PHKB: variants seen among roughly 807,000 people sequenced by gnomAD.
PHKB encodes phosphorylase kinase regulatory subunit beta, also known as phosphorylase b kinase regulatory subunit beta.
A neutral mutation model predicts 152.1 loss-of-function variants in PHKB; 122 were observed. That is an observed-to-expected ratio of 0.80 (90% CI 0.69 to 0.93). The LOEUF (loss-of-function observed/expected upper bound fraction) is 0.93, where lower values mean the gene tolerates loss of function less well. Ranked by LOEUF, PHKB falls within the 40% of genes least tolerant of loss-of-function variation. The pLI, the probability that PHKB is intolerant of heterozygous loss-of-function variation, is 0.00. For synonymous variants in PHKB, 436 were observed against 464.9 expected (o/e 0.94, Z 0.80); for missense variants, 1,304 against 1,328.4 (o/e 0.98, Z 0.29).
chr16:47,499,745 C>G lies in PHKB; in HGVS notation c.167-11C>G. The G allele has an allele frequency of 6.2e-7, 1 of 1,614,000 alleles. No individual in the cohort carries two copies. Among genetic ancestry groups the G allele is most frequent in the Non-Finnish European group, 8.5e-7 (1 of 1,179,866 alleles). Reference sequence around the variant, plus strand: ...TGTACAGTTCATTCTTTGTCTTGTCCTCAATTGCAGTCAAGTCAACATTGC... The same window carrying G: ...TGTACAGTTCATTCTTTGTCTTGTCGTCAATTGCAGTCAAGTCAACATTGC... On this transcript the variant is annotated splice_polypyrimidine_tract_variant and intron_variant, in intron 2 of 30. Transcript: ENST00000323584.
chr16:47,489,397 AATC>A (rs1337623367), intron 1 of PHKB, among the ~76,000 whole-genome samples: 16 of 152,360 alleles, frequency 1.1e-4, no homozygotes, highest in African/African-American at 3.8e-4. Context: ...AAACGAAACA[AATC>A]ATGATAGGAC....
intron 20 of PHKB, among the ~76,000 whole-genome samples, chr16:47,658,539 T>C (rs1973379425): frequency 6.6e-6 from 1 of 152,194 alleles, no homozygotes; most frequent in African/African-American, 2.4e-5. Context: ...GGACCACGTA[T>C]ACAATGGAGG....
chr16:47,487,519 G>T (rs1251588968), intron 1 of PHKB, among the ~76,000 whole-genome samples: 2 of 151,870 alleles, frequency 1.3e-5, no homozygotes, highest in African/African-American at 4.8e-5. Context: ...CAGGGGTTTG[G>T]TGTACAGATT....
intron 6 of PHKB, among the ~76,000 whole-genome samples, chr16:47,528,830 G>C (rs962969216): frequency 6.6e-6 from 1 of 151,502 alleles, no homozygotes; most frequent in Non-Finnish European, 1.5e-5. Flanking sequence ...CCAAGTAACT[G>C]GGATTACAGG....
At chr16:47,660,299 A>G (rs1330123439) in intron 20 of PHKB, among the ~76,000 whole-genome samples, 2 of 152,116 alleles carry the variant, frequency 1.3e-5, no homozygotes, top group Admixed American at 1.3e-4. Context: ...ACTTGTAACG[A>G]TGTGTATATT....
rs550764332 is a variant in PHKB at position 47,571,705 on chromosome 16, C to T, written c.711-8590C>T. Among the ~76,000 whole-genome samples, 13 of 152,288 alleles carry T rather than the reference C, an allele frequency of 8.5e-5. No homozygotes were observed. In the South Asian group the frequency reaches 1.2e-3, roughly 15 times the overall value. ...GTGGGAGAAGGCCCAGCTGTATCTG[C>T]GTTGTTGAACAAGAGGGAGAGAAGC... On this transcript the variant is annotated intron_variant, in intron 7 of 30. Transcript: ENST00000323584.
intron 1 of PHKB, 56 bp downstream of exon 1, chr16:47,461,482 T>C (rs1191673744): frequency 6.3e-7 from 1 of 1,576,542 alleles, no homozygotes; most frequent in East Asian, 2.2e-5. Flanking sequence ...GTGCTTCGCC[T>C]CAAGCGCCTT....
At chr16:47,544,687 G>C (rs961904055) in intron 6 of PHKB, among the ~76,000 whole-genome samples, 1 of 152,142 alleles carries the variant, frequency 6.6e-6, no homozygotes, top group Non-Finnish European at 1.5e-5. Flanking sequence ...TGACCGTGGG[G>C]TGTTAAAGTC....
At chr16:47,578,224 T>G (rs1345371747) in intron 7 of PHKB, among the ~76,000 whole-genome samples, 1 of 152,222 alleles carries the variant, frequency 6.6e-6, no homozygotes, top group Non-Finnish European at 1.5e-5. Context: ...TTCAAGCATG[T>G]TCGTAATTGC....
At chr16:47,506,039 A>G (rs544215063) in intron 4 of PHKB, among the ~76,000 whole-genome samples, 9 of 150,922 alleles carry the variant, frequency 6.0e-5, no homozygotes, top group East Asian at 1.9e-4. Flanking sequence ...AAAAAAAAAA[A>G]AAAAAAGAAA....
At chr16:47,474,835 C>T (rs1969840978) in intron 1 of PHKB, among the ~76,000 whole-genome samples, 1 of 152,144 alleles carries the variant, frequency 6.6e-6, no homozygotes, top group African/African-American at 2.4e-5. Flanking sequence ...AGCGATTCTC[C>T]TGCCTCAGCC....
rs1973191526 is a variant in PHKB, at chr16:47,649,268, T to TTCC, written c.1797+64_1797+65insTCC. The TTCC allele has an allele frequency of 3.3e-6, 3 of 913,398 alleles. No individual in the cohort carries two copies. The East Asian group carries it at 7.2e-5, about 22-fold the overall frequency. 56.6% of individuals were successfully genotyped at this position (913,398 alleles called of 1,614,324 possible). ...TGTTTCCACTGATTTTATCATATGT[T>TTCC]ACTATATTGAGTACTCCCAGGTATC... On this transcript the variant is annotated intron_variant, in intron 18 of 30. Transcript: ENST00000323584.
intron 7 of PHKB, 75 bp from the exon 8 acceptor site, chr16:47,580,220 A>G: frequency 2.7e-6 from 3 of 1,097,136 alleles, no homozygotes; most frequent in Middle Eastern, 2.0e-4. Flanking sequence ...TTGCTCGTGA[A>G]TATTCATCAG....
At chr16:47,633,148 C>A (rs1972855806) in intron 14 of PHKB, among the ~76,000 whole-genome samples, 1 of 152,026 alleles carries the variant, frequency 6.6e-6, no homozygotes, top group Admixed American at 6.5e-5. Context: ...TGGTCCTAAA[C>A]CATATTGTTA....
At chr16:47,535,887 T>C (rs1970943746) in intron 6 of PHKB, among the ~76,000 whole-genome samples, 2 of 152,302 alleles carry the variant, frequency 1.3e-5, no homozygotes, top group Middle Eastern at 3.4e-3. Context: ...CTCTACATAC[T>C]TTTTGCAGAA....
intron 7 of PHKB, among the ~76,000 whole-genome samples, chr16:47,574,588 A>G (rs1480895747): frequency 1.3e-5 from 2 of 152,228 alleles, no homozygotes; most frequent in Non-Finnish European, 2.9e-5. Context: ...ACAGTTTTGC[A>G]GGCTGTATAT....
rs910286871 is a variant in PHKB at position 47,700,100 on chromosome 16, G to C, written c.*734G>C. On this transcript the variant is annotated 3_prime_UTR_variant, in exon 31 of 31. Coordinates refer to ENST00000323584, the MANE Select transcript of PHKB (RefSeq NM_000293.3). ...ACAGTAGCTCACACCTGAAATCTTA[G>C]CACTTCGGGAGGCTGAGGCAGGTGG... The C allele has an allele frequency of 6.6e-6, 1 of 152,256 alleles. No homozygotes were observed. Among genetic ancestry groups the C allele is most frequent in the East Asian group, 1.9e-4 (1 of 5,200 alleles). The allele number at this position is 152,256 out of a possible 1,614,324, so 9.4% of individuals were successfully genotyped here. A position where few individuals can be genotyped will look rare whatever the true frequency, so the allele number is the denominator to read the frequency against.
intron 4 of PHKB, among the ~76,000 whole-genome samples, chr16:47,505,935 A>T (rs555238660): frequency 6.6e-6 from 1 of 150,702 alleles, no homozygotes; most frequent in Non-Finnish European, 1.5e-5. Flanking sequence ...CAGGAAGCTG[A>T]GGCACAAAAT....
intron 6 of PHKB, among the ~76,000 whole-genome samples, chr16:47,543,648 TA>T (rs1160895585): frequency 2.0e-5 from 3 of 152,186 alleles, no homozygotes; most frequent in African/African-American, 7.2e-5. Context: ...TTTTGGTTGG[TA>T]GGCTATTAAT....
Sources: gnomAD v4.1 joint callset for allele counts (sites outside exome capture counted in the v4.1 genomes callset) on GRCh38, gnomAD v4.1.1 for gene constraint, MANE v1.5 for transcripts, NCBI Gene and HGNC (gene_info 2026-07-23, HGNC 2026-07-21) for gene names.